Variants in HTR1F observed in about 807,000 individuals in gnomAD.
HTR1F encodes 5-hydroxytryptamine (serotonin) receptor 1F, G protein-coupled.
Under a neutral mutation model 24.0 loss-of-function variants are expected in HTR1F, and 17 were observed. The observed-to-expected ratio is 0.71, with a 90% confidence interval of 0.48 to 1.06. HTR1F has a LOEUF of 1.06. Among genes scored for constraint, HTR1F ranks in the 50% least tolerant of loss-of-function variants. HTR1F has a pLI of 0.00. For missense variants in HTR1F, 391 were observed against 427.8 expected (o/e 0.91, Z 0.76); for synonymous variants, 186 against 156.8 (o/e 1.19, Z -1.39).
At chr3:87,944,515 T>C (rs1026716956) in intron 2 of HTR1F, among the ~76,000 whole-genome samples, 2 of 152,364 alleles carry the variant, frequency 1.3e-5, no homozygotes, top group African/African-American at 4.8e-5. Flanking sequence ...TCTATCGTCC[T>C]GTCCTGAAGG....
At chr3:87,855,993 G>A (rs774970220) in intron 2 of HTR1F, among the ~76,000 whole-genome samples, 10 of 151,998 alleles carry the variant, frequency 6.6e-5, no homozygotes, top group Non-Finnish European at 1.2e-4. Context: ...GAGAAGCCAG[G>A]AAGTGCTTCC....
intron 1 of HTR1F, among the ~76,000 whole-genome samples, chr3:87,814,879 T>C (rs1394185075): frequency 6.6e-6 from 1 of 152,088 alleles, no homozygotes; most frequent in Non-Finnish European, 1.5e-5. Context: ...TACTTGAAAA[T>C]TACTCTTATA....
At chr3:87,990,415 C>T (rs1681269154) in intron 2 of HTR1F, among the ~76,000 whole-genome samples, 1 of 152,138 alleles carries the variant, frequency 6.6e-6, no homozygotes, top group Admixed American at 6.5e-5. Flanking sequence ...AGAGAAAAAC[C>T]AATTCTATAA....
chr3:87,966,551 C>T (rs537752909), intron 2 of HTR1F, among the ~76,000 whole-genome samples: 92 of 152,162 alleles, frequency 6.0e-4, no homozygotes, highest in African/African-American at 1.9e-3. Context: ...TTCTTAACCT[C>T]GTTTTATGAC....
chr3:87,957,601 T>C (rs1704972905), intron 2 of HTR1F, among the ~76,000 whole-genome samples: 1 of 151,492 alleles, frequency 6.6e-6, no homozygotes, highest in Admixed American at 6.6e-5. Flanking sequence ...GTTCTCCAGC[T>C]TATCTATTTA....
rs569326709 is a variant in HTR1F at position 87,842,401 on chromosome 3, A to G, written c.-43+20277A>G. On this transcript the variant is annotated intron_variant, in intron 2 of 2. Coordinates refer to ENST00000319595, the MANE Select transcript of HTR1F (RefSeq NM_001322209.2). ...CTGATCTTGAACTCCTGACCTAGTGATCCACCCACCTTGGCCTCCCAAAGT... is the reference window on the plus strand; with the variant it reads ...CTGATCTTGAACTCCTGACCTAGTGGTCCACCCACCTTGGCCTCCCAAAGT... 7.2e-5 allele frequency among the ~76,000 whole-genome samples: 11 copies of G among 151,852 alleles called. 2 individuals carry two copies. The highest frequency in any genetic ancestry group is 2.7e-4 in the African/African-American group (11 of 41,232).
intron 2 of HTR1F, among the ~76,000 whole-genome samples, chr3:87,888,525 G>GA (rs1381922058): frequency 6.6e-6 from 1 of 151,828 alleles, no homozygotes; most frequent in South Asian, 2.1e-4. Context: ...TGAGTATGAG[G>GA]AAAAAAACAT....
At chr3:87,832,240 A>G (rs759412591) in intron 2 of HTR1F, among the ~76,000 whole-genome samples, 1 of 151,970 alleles carries the variant, frequency 6.6e-6, no homozygotes, top group Non-Finnish European at 1.5e-5. Context: ...AATTAATGTG[A>G]TAGTAGAAAT....
chr3:87,920,932 C>G (rs1293763903), intron 2 of HTR1F, among the ~76,000 whole-genome samples: 1 of 151,988 alleles, frequency 6.6e-6, no homozygotes. Flanking sequence ...TGTCCTCTTG[C>G]TTCTCCTCTT....
chr3:87,948,476 C>A (rs1298513913), intron 2 of HTR1F, among the ~76,000 whole-genome samples: 2 of 151,520 alleles, frequency 1.3e-5, no homozygotes, highest in Non-Finnish European at 2.9e-5. Context: ...AGCTAGAATT[C>A]TTTTTTATAT....
intron 2 of HTR1F, among the ~76,000 whole-genome samples, chr3:87,855,326 T>A (rs1705175133): frequency 6.6e-6 from 1 of 152,030 alleles, no homozygotes; most frequent in South Asian, 2.1e-4. Context: ...ATAATATTAA[T>A]CTTTTCCTCT....
chr3:87,929,923 T>A (rs9812937), intron 2 of HTR1F, among the ~76,000 whole-genome samples: 27,227 of 152,174 alleles, frequency 0.18, 2,654 homozygotes, highest in African/African-American at 0.27. Flanking sequence ...TGATTCTTTC[T>A]ACCCATGAGC....
At chr3:87,929,491 A>G (rs1704208074) in intron 2 of HTR1F, among the ~76,000 whole-genome samples, 1 of 152,118 alleles carries the variant, frequency 6.6e-6, no homozygotes, top group Admixed American at 6.6e-5. Context: ...AATAGGATAT[A>G]ATTTATAGAT....
intron 2 of HTR1F, among the ~76,000 whole-genome samples, chr3:87,962,414 C>T (rs977219152): frequency 6.6e-6 from 1 of 151,940 alleles, no homozygotes; most frequent in Non-Finnish European, 1.5e-5. Flanking sequence ...ATGTAAAATT[C>T]CTTTAGCATA....
intron 2 of HTR1F, among the ~76,000 whole-genome samples, chr3:87,906,694 C>T (rs1211309953): frequency 6.6e-6 from 1 of 151,566 alleles, no homozygotes; most frequent in Non-Finnish European, 1.5e-5. Flanking sequence ...TCGCCCCCCT[C>T]TCACTCATTC....
rs531301547 is a variant in HTR1F, at chr3:87,860,565, C to T, written c.-43+38441C>T. ...ATTCTTAGTTGATTTGAAAAACTAA[C>T]GTGTATATTGAATTTTATATTAAAT... On this transcript the variant is annotated intron_variant, in intron 2 of 2. Transcript: ENST00000319595. 1.1e-4 allele frequency among the ~76,000 whole-genome samples: 17 copies of T among 152,204 alleles called. No individual in the cohort carries two copies. In the South Asian group the frequency reaches 2.5e-3, roughly 22 times the overall value.
In HTR1F at chr3:87,888,308, G is replaced by A. The variant is rs149108701; in HGVS notation, c.-43+66184G>A. ...TACAGGAAAGGGAACATCACACACC[G>A]GGGCCTGTTGTAGGGTGGGGTCTGG... On this transcript the variant is annotated intron_variant, in intron 2 of 2. Transcript: ENST00000319595. 4.0e-3 allele frequency among the ~76,000 whole-genome samples: 606 copies of A among 152,204 alleles called. 5 individuals carry two copies. Among genetic ancestry groups the A allele is most frequent in the African/African-American group, 0.013 (520 of 41,534 alleles).
chr3:87,980,050 G>C (rs1301035205), intron 2 of HTR1F, among the ~76,000 whole-genome samples: 1 of 152,202 alleles, frequency 6.6e-6, no homozygotes, highest in African/African-American at 2.4e-5. Context: ...TGCCCACACT[G>C]TGGCAAGCAG....
chr3:87,926,439 A>T (rs952346863), intron 2 of HTR1F, among the ~76,000 whole-genome samples: 7 of 152,166 alleles, frequency 4.6e-5, no homozygotes, highest in Non-Finnish European at 5.9e-5. Flanking sequence ...TTATCAGAAC[A>T]CTAATAATAG....
Sources: gnomAD v4.1 joint callset for allele counts (sites outside exome capture counted in the v4.1 genomes callset) on GRCh38, gnomAD v4.1.1 for gene constraint, MANE v1.5 for transcripts, NCBI Gene and HGNC (gene_info 2026-07-23, HGNC 2026-07-21) for gene names.